The following HPS5 variants were observed in gnomAD, a reference collection of about 807,000 sequenced individuals.
HPS5 encodes the protein BLOC-2 complex member HPS5.
A neutral mutation model predicts 128.0 loss-of-function variants in HPS5; 83 were observed. That is an observed-to-expected ratio of 0.65 (90% CI 0.54 to 0.78). The LOEUF is 0.78. HPS5 is among the 30% of genes least tolerant of loss of function. The probability of loss-of-function intolerance (pLI) is 0.00; values close to 1 mark genes in which losing one functional copy is unlikely to be tolerated. For missense variants in HPS5, 1,281 were observed against 1,326.2 expected, an observed-to-expected ratio of 0.97 and a Z score of 0.53; for synonymous variants, 475 against 470.2, an observed-to-expected ratio of 1.01 and a Z score of -0.13.
chr11:18,304,834 C>T (rs762907436), intron 8 of HPS5, among the ~76,000 whole-genome samples: 4 of 152,226 alleles, frequency 2.6e-5, no homozygotes, highest in Admixed American at 1.3e-4. Context: ...TCTTGCAGAA[C>T]AAGGTGTAAG....
chr11:18,309,143 C>T, intron 5 of HPS5, 64 bp from the exon 6 acceptor site: 1 of 1,454,910 alleles, frequency 6.9e-7, no homozygotes, highest in Non-Finnish European at 9.6e-7. Flanking sequence ...CAATCTCTTC[C>T]TCTTTACCTT....
chr11:18,298,666 G>A (rs879886495), intron 10 of HPS5, 126 bp downstream of exon 10: 2 of 872,130 alleles, frequency 2.3e-6, no homozygotes, highest in Non-Finnish European at 3.9e-6. Context: ...CTCTGGGCAT[G>A]TATTGCTGTA....
At chr11:18,311,849 T>C in intron 3 of HPS5, 65 bp downstream of exon 3, 2 of 1,051,212 alleles carry the variant, frequency 1.9e-6, no homozygotes, top group Non-Finnish European at 3.0e-6. Flanking sequence ...TTATTTATAT[T>C]GGAGAAATTT....
At position 18,291,895 on chromosome 11, in the gene HPS5, C is replaced by G. The variant is rs1283797744; in HGVS notation, c.1987G>C (p.Asp663His). ...MKDFSGVSDT[D>H]NSSMKLNQDV... ...TGGTTCAATTTCATGGATGAGTTGT[C>G]AGTATCTGAAACACCTGAAAAGTCC... The change falls in exon 16 of 23, where the codon GAC becomes CAC. Residue 663 changes from aspartate (D) to histidine (H), a missense_variant. Asp to His is a moderately conservative substitution (Grantham distance 81). Coordinates refer to ENST00000349215, the MANE Select transcript of HPS5 (RefSeq NM_181507.2). The G allele has an allele frequency of 6.2e-7, 1 of 1,607,356 alleles. No homozygotes were observed. The highest frequency in any genetic ancestry group is 8.5e-7 in the Non-Finnish European group (1 of 1,176,862).
rs11024607 is a variant in HPS5, at chr11:18,296,740, G to A, written c.1510+58C>T. The A allele has an allele frequency of 0.11, 159,732 of 1,444,784 alleles. 9,994 individuals carry two copies. Among genetic ancestry groups the A allele is most frequent in the Admixed American group, 0.19 (11,501 of 59,820 alleles). 89.5% of individuals were successfully genotyped at this position (1,444,784 alleles called of 1,614,324 possible). On this transcript the variant is annotated intron_variant, in intron 12 of 22. Coordinates refer to ENST00000349215, the MANE Select transcript of HPS5 (RefSeq NM_181507.2). ...CGTGCACAAGATAATCCTGGTAACA[G>A]GAGCTCGTGGAAAATAATGGCTTCA...
chr11:18,297,487 A>C, intron 11 of HPS5, 72 bp downstream of exon 11: 1 of 1,414,782 alleles, frequency 7.1e-7, no homozygotes, highest in Non-Finnish European at 1.0e-6. Context: ...TGGGGATCCT[A>C]GAGGTAAATA....
At position 18,279,215 on chromosome 11, in the gene HPS5, T is replaced by G. The variant is rs1402070900; in HGVS notation, c.*667A>C. The G allele has an allele frequency of 6.6e-6, 1 of 152,360 alleles. No individual in the cohort carries two copies. The highest frequency in any genetic ancestry group is 1.9e-4 in the East Asian group (1 of 5,214). 9.4% of individuals were successfully genotyped at this position (152,360 alleles called of 1,614,324 possible). ...TGCCTAGCTAATTTTTTTTATTTTT[T>G]GTAGAGATGCATTCTCACTATGTTG... On this transcript the variant is annotated 3_prime_UTR_variant, in exon 23 of 23. Transcript: ENST00000349215.
intron 2 of HPS5, among the ~76,000 whole-genome samples, chr11:18,316,655 T>C (rs4586132): frequency 0.17 from 25,386 of 152,188 alleles, 2,512 homozygotes; most frequent in African/African-American, 0.28. Flanking sequence ...CAAATTAACA[T>C]TGACTTTATT....
chr11:18,304,209 T>C (rs903123559), intron 8 of HPS5, among the ~76,000 whole-genome samples: 1 of 151,516 alleles, frequency 6.6e-6, no homozygotes, highest in African/African-American at 2.4e-5. Flanking sequence ...ATAATGTCTA[T>C]AATTCACTTT....
At chr11:18,306,457 T>C (rs1862382266) in intron 6 of HPS5, 110 bp from the exon 7 acceptor site, 2 of 696,898 alleles carry the variant, frequency 2.9e-6, no homozygotes, top group African/African-American at 1.8e-5. Flanking sequence ...TGCCTTCTCC[T>C]TCATTCATAT....
intron 12 of HPS5, 137 bp downstream of exon 12, chr11:18,296,661 T>C: frequency 1.2e-6 from 1 of 854,446 alleles, no homozygotes; most frequent in Non-Finnish European, 2.0e-6. Context: ...TCTGTAGATC[T>C]GGATGGAAAG....
intron 2 of HPS5, among the ~76,000 whole-genome samples, chr11:18,316,862 T>A (rs559900212): frequency 6.6e-6 from 1 of 152,332 alleles, no homozygotes; most frequent in East Asian, 1.9e-4. Context: ...CTACTTGGTG[T>A]CAGTTAGTCT....
rs1439652072 is a variant in HPS5, at chr11:18,287,880, C to T, written c.2561+13G>A. ...TGCTTTAGCTCATATAAACAATATA[C>T]AGGACAACTTACCGGGTAGCATAAA... On this transcript the variant is annotated intron_variant, in intron 17 of 22. Transcript: ENST00000349215. 1.9e-6 allele frequency: 3 copies of T among 1,613,894 alleles called. No homozygotes were observed. In the South Asian group the frequency reaches 3.3e-5, roughly 18 times the overall value.
At chr11:18,296,350 C>T (rs1203879085) in intron 12 of HPS5, 5 of 565,886 alleles carry the variant, frequency 8.8e-6, no homozygotes, top group Admixed American at 6.2e-5. Flanking sequence ...ACCCTGAGTC[C>T]CCATAAGTCA....
In HPS5 at chr11:18,291,487, T is replaced by C. The variant is rs1257603561; in HGVS notation, c.2395A>G (p.Ser799Gly). 2.5e-6 allele frequency: 4 copies of C among 1,613,438 alleles called. No homozygotes were observed. Among genetic ancestry groups the C allele is most frequent in the Non-Finnish European group, 3.4e-6 (4 of 1,179,542 alleles). The change falls in exon 16 of 23, where the codon AGT (serine) becomes GGT (glycine). Residue 799 changes from serine (S) to glycine (G), a missense_variant. By Grantham distance (56) the Ser-to-Gly change is moderately conservative (BLOSUM62 0). Coordinates refer to ENST00000349215, the MANE Select transcript of HPS5 (RefSeq NM_181507.2). ...GTATCCCAAACAGAAGGGCTATTAC[T>C]GTAACTAAGCTTGATACTCTCCTTC... ...RAKESIKLSYSNSPSVWDTFI... is the reference protein window; with the variant it reads ...RAKESIKLSYGNSPSVWDTFI...
At chr11:18,300,518 G>A (rs550263047) in intron 9 of HPS5, among the ~76,000 whole-genome samples, 189 of 151,966 alleles carry the variant, frequency 1.2e-3, no homozygotes, top group African/African-American at 4.4e-3. Flanking sequence ...CCAACATGGC[G>A]AAACTCCATC....
rs199973241 is a variant in HPS5 at position 18,298,985 on chromosome 11, G to A, written c.986-15C>T. 132 of 1,613,034 alleles carry A rather than the reference G, an allele frequency of 8.2e-5. No individual in the cohort carries two copies. In the African/African-American group the frequency reaches 1.5e-3, roughly 19 times the overall value. On this transcript the variant is annotated splice_polypyrimidine_tract_variant and intron_variant, in intron 9 of 22. Transcript: ENST00000349215. ...ATCCTGAATATCTACGAAAACCACA[G>A]GTGTGAACATACAAAATGTTAACCA...
rs144280811 is a variant in HPS5, at chr11:18,291,773, A to G, written c.2109T>C (p.Asp703=). 1.9e-4 allele frequency: 314 copies of G among 1,614,158 alleles called. 1 individual carries two copies. In the African/African-American group the frequency reaches 3.9e-3, roughly 20 times the overall value. ...TCCTTACACATTCACATGCTGTTTTATCAACAGATTCTTCATTGCCTAAAG... is the reference window on the plus strand; with the variant it reads ...TCCTTACACATTCACATGCTGTTTTGTCAACAGATTCTTCATTGCCTAAAG... ...RDSLGNEESV[D]KTACECVRSP... The change falls in exon 16 of 23, where the codon GAT becomes GAC. Residue 703 remains aspartate (D), a synonymous_variant. Transcript: ENST00000349215.
intron 8 of HPS5, among the ~76,000 whole-genome samples, chr11:18,303,171 TAAAC>T (rs981263858): frequency 6.6e-6 from 1 of 152,092 alleles, no homozygotes. Context: ...ATGAAAAACA[TAAAC>T]AAACAGGAAT....
Sources: allele counts gnomAD v4.1 joint callset (sites outside exome capture counted in the v4.1 genomes callset), GRCh38; gene constraint gnomAD v4.1.1; transcripts MANE v1.5; gene names NCBI Gene and HGNC (gene_info 2026-07-23, HGNC 2026-07-21).